The following RERG variants were observed in gnomAD, a reference collection of about 807,000 sequenced individuals.
The protein encoded by RERG is RAS like estrogen regulated growth inhibitor, also known as ras-related and estrogen-regulated growth inhibitor.
RERG carries 25 observed loss-of-function variants against 23.2 expected under a neutral mutation model. The observed-to-expected ratio is 1.08, with a 90% CI of 0.79 to 1.50. RERG has a LOEUF of 1.50. Among genes scored for constraint, RERG ranks in the 40% most tolerant of loss-of-function variants. The pLI is 0.00. For synonymous variants in RERG, 81 were observed against 89.1 expected (o/e 0.91, Z 0.51); for missense variants, 253 against 250.1 (o/e 1.01, Z -0.08).
chr12:15,131,044 A>G (rs1864037693), intron 2 of RERG, among the ~76,000 whole-genome samples: 1 of 152,162 alleles, frequency 6.6e-6, no homozygotes. Flanking sequence ...CATGTTTGAA[A>G]AGCAGTAGAG....
intron 2 of RERG, among the ~76,000 whole-genome samples, chr12:15,139,047 G>A (rs1029158191): frequency 7.6e-5 from 10 of 131,670 alleles, no homozygotes; most frequent in South Asian, 2.3e-4. Flanking sequence ...GCCTGTGGGC[G>A]CTTGCTTTTT....
chr12:15,190,891 A>C (rs1270762163), intron 2 of RERG, among the ~76,000 whole-genome samples: 1 of 152,140 alleles, frequency 6.6e-6, no homozygotes, highest in Non-Finnish European at 1.5e-5. Flanking sequence ...CAGCCTCTTC[A>C]GAGGCTTGAC....
At chr12:15,131,272 AT>A (rs983922625) in intron 2 of RERG, among the ~76,000 whole-genome samples, 11 of 152,134 alleles carry the variant, frequency 7.2e-5, no homozygotes, top group African/African-American at 2.7e-4. Flanking sequence ...TGTGTCCAAG[AT>A]TTCAAACCAG....
intron 2 of RERG, among the ~76,000 whole-genome samples, chr12:15,156,726 G>A (rs1467360994): frequency 6.6e-6 from 1 of 152,096 alleles, no homozygotes; most frequent in African/African-American, 2.4e-5. Context: ...CGAGTCCTCA[G>A]GAGAAAGAAA....
At chr12:15,112,688 A>C (rs1241841837) in intron 3 of RERG, among the ~76,000 whole-genome samples, 1 of 152,228 alleles carries the variant, frequency 6.6e-6, no homozygotes, top group Non-Finnish European at 1.5e-5. Flanking sequence ...CAGTAAGTGT[A>C]AGTAAGTAAA....
At chr12:15,169,290 T>C (rs1295430602) in intron 2 of RERG, among the ~76,000 whole-genome samples, 1 of 152,178 alleles carries the variant, frequency 6.6e-6, no homozygotes, top group Non-Finnish European at 1.5e-5. Flanking sequence ...TAGCTAAACA[T>C]TATTTTGGGT....
intron 2 of RERG, among the ~76,000 whole-genome samples, chr12:15,141,905 T>A (rs553006581): frequency 1.3e-5 from 2 of 152,352 alleles, no homozygotes; most frequent in African/African-American, 2.4e-5. Flanking sequence ...ATGTGTTATA[T>A]ATATTTCAGC....
intron 2 of RERG, among the ~76,000 whole-genome samples, chr12:15,189,174 T>G (rs1213642068): frequency 6.6e-6 from 1 of 152,220 alleles, no homozygotes; most frequent in Non-Finnish European, 1.5e-5. Flanking sequence ...CTGTTAAATG[T>G]GTCACATGTC....
intron 2 of RERG, among the ~76,000 whole-genome samples, chr12:15,196,559 G>T (rs1057489643): frequency 1.3e-5 from 2 of 152,148 alleles, no homozygotes; most frequent in African/African-American, 4.8e-5. Context: ...CAAGACTGTA[G>T]ACCTTGCACC....
chr12:15,206,991 T>G (rs1313152745), intron 2 of RERG, among the ~76,000 whole-genome samples: 1 of 152,118 alleles, frequency 6.6e-6, no homozygotes. Context: ...ACCTTTGTTA[T>G]GGCAAATCTC....
chr12:15,184,473 A>C (rs1362168725), intron 2 of RERG, among the ~76,000 whole-genome samples: 1 of 152,138 alleles, frequency 6.6e-6, no homozygotes, highest in Non-Finnish European at 1.5e-5. Context: ...TTTTCTAGAG[A>C]ATATGTGATA....
intron 2 of RERG, among the ~76,000 whole-genome samples, chr12:15,199,716 A>G (rs1386237764): frequency 6.6e-6 from 1 of 151,980 alleles, no homozygotes; most frequent in Non-Finnish European, 1.5e-5. Flanking sequence ...CATTCATCAA[A>G]TAACAGCGGG....
chr12:15,161,048 T>C (rs931888055), intron 2 of RERG, among the ~76,000 whole-genome samples: 11 of 151,670 alleles, frequency 7.3e-5, no homozygotes, highest in African/African-American at 2.7e-4. Flanking sequence ...GGCATGAGAA[T>C]TGCTTGAACC....
rs533677708 is a variant in RERG at position 15,212,354 on chromosome 12, C to T, written c.61+5075G>A. 1.1e-3 allele frequency among the ~76,000 whole-genome samples: 172 copies of T among 151,938 alleles called. 2 individuals carry two copies. Among genetic ancestry groups the T allele is most frequent in the African/African-American group, 3.8e-3 (156 of 41,430 alleles). ...GATTACAGGCGTGAGCCACCGCGCC[C>T]GGCCACGAATAAACTTTTTATATCT... On this transcript the variant is annotated intron_variant, in intron 2 of 4. Coordinates refer to ENST00000256953, the MANE Select transcript of RERG (RefSeq NM_032918.3).
chr12:15,115,614 TAACCAACC>T (rs565494164), intron 3 of RERG, among the ~76,000 whole-genome samples: 6 of 152,090 alleles, frequency 3.9e-5, no homozygotes, highest in South Asian at 2.1e-4. Flanking sequence ...CCCAAATCAT[TAACCAACC>T]AACCAACCAA....
intron 2 of RERG, among the ~76,000 whole-genome samples, chr12:15,208,493 T>A (rs1865322878): frequency 6.6e-6 from 1 of 152,166 alleles, no homozygotes; most frequent in Non-Finnish European, 1.5e-5. Flanking sequence ...CTAATTCAAA[T>A]TTTTCATTTA....
chr12:15,194,164 G>C (rs1251258556), intron 2 of RERG, among the ~76,000 whole-genome samples: 1 of 152,192 alleles, frequency 6.6e-6, no homozygotes, highest in Non-Finnish European at 1.5e-5. Context: ...AAAGGAGAGA[G>C]TGCGCAGCTG....
intron 2 of RERG, among the ~76,000 whole-genome samples, chr12:15,123,597 TATA>T (rs978194000): frequency 1.4e-5 from 2 of 147,354 alleles, no homozygotes; most frequent in African/African-American, 4.9e-5. Flanking sequence ...ATCCCAGTTG[TATA>T]ATTTATTAAA....
chr12:15,192,133 A>G (rs1198516433), intron 2 of RERG, among the ~76,000 whole-genome samples: 1 of 152,130 alleles, frequency 6.6e-6, no homozygotes, highest in Admixed American at 6.6e-5. Context: ...GTTTAGCACC[A>G]TCTCCTTGGT....
Sources: gnomAD v4.1 joint callset for allele counts (sites outside exome capture counted in the v4.1 genomes callset) on GRCh38, gnomAD v4.1.1 for gene constraint, MANE v1.5 for transcripts, NCBI Gene and HGNC (gene_info 2026-07-23, HGNC 2026-07-21) for gene names.